The following RPTOR variants were observed in gnomAD, a reference collection of about 807,000 sequenced individuals.
RPTOR encodes regulatory associated protein of MTOR complex 1, also known as regulatory-associated protein of mTOR.
A neutral mutation model predicts 169.9 loss-of-function variants in RPTOR; 21 were observed. That is an observed-to-expected ratio of 0.12 (90% CI 0.09 to 0.18). The LOEUF is 0.18. Among genes scored for constraint, RPTOR ranks in the 10% least tolerant of loss-of-function variants. The pLI, the probability that RPTOR is intolerant of heterozygous loss-of-function variation, is 1.00. For missense variants in RPTOR, 1,133 were observed against 1,855.9 expected (o/e 0.61, Z 7.16); for synonymous variants, 732 against 753.2 (o/e 0.97, Z 0.46).
intron 4 of RPTOR, among the ~76,000 whole-genome samples, chr17:80,719,494 G>A (rs375345426): frequency 9.9e-5 from 15 of 152,116 alleles, no homozygotes; most frequent in Non-Finnish European, 1.3e-4. Context: ...CTCAGGGCTC[G>A]TTCCTGTAAA....
intron 5 of RPTOR, among the ~76,000 whole-genome samples, chr17:80,735,000 G>T (rs2066423136): frequency 6.6e-6 from 1 of 152,162 alleles, no homozygotes; most frequent in African/African-American, 2.4e-5. Flanking sequence ...CTGTGCATTG[G>T]CAGATTTTGG....
In RPTOR at chr17:80,730,758, T is replaced by TTTTGTGCGG; in HGVS notation, c.654+52_654+53insTTTGTGCGG. 1 of 467,258 alleles carries TTTTGTGCGG rather than the reference T, an allele frequency of 2.1e-6. No individual in the cohort carries two copies. Among genetic ancestry groups the TTTTGTGCGG allele is most frequent in the Non-Finnish European group, 3.9e-6 (1 of 254,706 alleles). 28.9% of individuals were successfully genotyped at this position (467,258 alleles called of 1,614,324 possible). On this transcript the variant is annotated intron_variant, in intron 5 of 33. Transcript: ENST00000306801. This position sits in a 1 kb window ranked among gnomAD's most constrained non-coding sequence, Gnocchi z 4.2. ...GTGCTGGGTTTGGTTTTGTTTTCCC[T>TTTTGTGCGG]GGGGGTGGGGTTTGGGTGGGGAGGT...
chr17:80,621,600 C>T (rs1252671520), intron 1 of RPTOR, among the ~76,000 whole-genome samples: 1 of 152,198 alleles, frequency 6.6e-6, no homozygotes, highest in African/African-American at 2.4e-5. Flanking sequence ...GACTTGCAGC[C>T]GCCCCTTACT....
In RPTOR at chr17:80,681,494, G is replaced by A. The variant is rs528817499; in HGVS notation, c.349-26347G>A. On this transcript the variant is annotated intron_variant, in intron 3 of 33. Transcript: ENST00000306801. ...CTGTGGGTGAGTTCTCGAGTGCTGC[G>A]GGGAGTGTAGGGAAGGCCGGTGGTG... Among the ~76,000 whole-genome samples, 52 of 152,274 alleles carry A rather than the reference G, an allele frequency of 3.4e-4. 1 individual carries two copies. The highest frequency in any genetic ancestry group is 4.4e-5 in the Non-Finnish European group (3 of 68,024).
intron 1 of RPTOR, among the ~76,000 whole-genome samples, chr17:80,561,259 ATATG>A (rs1480530486): frequency 0.013 from 62 of 4,836 alleles, 1 homozygote; most frequent in Admixed American, 0.016. Flanking sequence ...ATGTATATAT[ATATG>A]TATATATATA....
chr17:80,861,121 A>G lies in RPTOR; in HGVS notation c.1509+3221A>G, dbSNP rs999504456. On this transcript the variant is annotated intron_variant, in intron 13 of 33. Transcript: ENST00000306801. This position sits in a 1 kb window ranked among gnomAD's most constrained non-coding sequence, Gnocchi z 4.5. ...ATGACTGCTTTGAAAGATTGGCTAA[A>G]GCACTGGATTTAAGGTTAAAACCCT... is the stretch of plus-strand genomic sequence containing the variant. Among the ~76,000 whole-genome samples, 2 of 145,164 alleles carry G rather than the reference A, an allele frequency of 1.4e-5. No individual in the cohort carries two copies. Among genetic ancestry groups the G allele is most frequent in the South Asian group, 4.4e-4 (2 of 4,532 alleles).
At chr17:80,755,844 C>CACCTT (rs1156519754) in intron 6 of RPTOR, among the ~76,000 whole-genome samples, 3 of 152,114 alleles carry the variant, frequency 2.0e-5, no homozygotes, top group Non-Finnish European at 4.4e-5. Flanking sequence ...CCAGTACCCC[C>CACCTT]ACCTTACCTG....
Position 80,756,857 on chromosome 17 carries a change from T to A in RPTOR, c.830+2672T>A, listed in dbSNP as rs1218636969. 2.0e-5 allele frequency among the ~76,000 whole-genome samples: 3 copies of A among 152,084 alleles called. No homozygotes were observed. In the East Asian group the frequency reaches 5.8e-4, roughly 29 times the overall value. ...ATCAATTTAAAGAATACAAAAAAAA[T>A]TTGTTATAAATTACTCAGTCTGTCG... On this transcript the variant is annotated intron_variant, in intron 6 of 33. Coordinates refer to ENST00000306801, the MANE Select transcript of RPTOR (RefSeq NM_020761.3).
chr17:80,966,117 A>ACCCCCCCCC lies in RPTOR; in HGVS notation c.*1788_*1796dup, dbSNP rs55752459. 5.7e-6 allele frequency: 1 copy of ACCCCCCCCC among 175,608 alleles called. No individual in the cohort carries two copies. Among genetic ancestry groups the ACCCCCCCCC allele is most frequent in the Non-Finnish European group, 1.1e-5 (1 of 93,008 alleles). 10.9% of individuals were successfully genotyped at this position (175,608 alleles called of 1,614,324 possible). On this transcript the variant is annotated 3_prime_UTR_variant, in exon 34 of 34. Coordinates refer to ENST00000306801, the MANE Select transcript of RPTOR (RefSeq NM_020761.3). ...GGCAGGTGGCTCCAGAGGGGTCAAG[A>ACCCCCCCCC]CCCCCCCCCGCCCCCGCTCCACCCT...
At chr17:80,893,056 G>A (rs923916778) in intron 19 of RPTOR, among the ~76,000 whole-genome samples, 187 bp downstream of exon 19, 4 of 152,232 alleles carry the variant, frequency 2.6e-5, no homozygotes, top group African/African-American at 9.6e-5. Flanking sequence ...GCGTAGGCCA[G>A]CCCCCAGAAT....
At chr17:80,733,856 T>A (rs1430720624) in intron 5 of RPTOR, among the ~76,000 whole-genome samples, 4 of 152,258 alleles carry the variant, frequency 2.6e-5, no homozygotes, top group South Asian at 4.1e-4. Flanking sequence ...CTTTGTGGTT[T>A]CAAGTAATAT....
At chr17:80,791,912 C>A (rs35292957) in intron 7 of RPTOR, among the ~76,000 whole-genome samples, 10 of 151,908 alleles carry the variant, frequency 6.6e-5, no homozygotes, top group Non-Finnish European at 1.0e-4. Context: ...TCCCCTCCCC[C>A]CCTGTCGCCA....
intron 1 of RPTOR, among the ~76,000 whole-genome samples, chr17:80,548,989 C>T (rs563763908): frequency 1.4e-4 from 21 of 152,306 alleles, no homozygotes; most frequent in Admixed American, 2.0e-4. Context: ...ACAGATTCCT[C>T]AAATTGACAT....
At position 80,608,830 on chromosome 17, in the gene RPTOR, G is replaced by C. The variant is rs543120466; in HGVS notation, c.163-16861G>C. Among the ~76,000 whole-genome samples, 292 of 152,340 alleles carry C rather than the reference G, an allele frequency of 1.9e-3. 1 individual carries two copies. The highest frequency in any genetic ancestry group is 6.8e-3 in the African/African-American group (282 of 41,572). On this transcript the variant is annotated intron_variant, in intron 1 of 33. Coordinates refer to ENST00000306801, the MANE Select transcript of RPTOR (RefSeq NM_020761.3). ...TTATTGAGTGCCCTTGGGCAGATGC[G>C]GGAACAGGTGCTTCTGCGCGTGGTT...
intron 10 of RPTOR, among the ~76,000 whole-genome samples, chr17:80,840,837 C>T (rs530804650): frequency 7.3e-6 from 1 of 136,820 alleles, no homozygotes; most frequent in African/African-American, 2.8e-5. Flanking sequence ...TCACACTCAC[C>T]GCACGGCAGC....
chr17:80,840,336 G>A (rs1021145020), intron 10 of RPTOR, among the ~76,000 whole-genome samples: 9 of 149,738 alleles, frequency 6.0e-5, no homozygotes, highest in East Asian at 2.0e-4. Context: ...TCACCGCACG[G>A]CAGCTCACAC....
Position 80,963,051 on chromosome 17 carries a change from G to T in RPTOR, c.3933G>T (p.Pro1311=), listed in dbSNP as rs745965386. ...VGAISCLAFH[P]HWPHLAVGSN... is the part of the protein sequence containing the mutation. ...CCATCAGCTGCCTGGCCTTCCACCCGCACTGGGTCAGTGTGGCGGTGGGTG... is the reference window on the plus strand; with the variant it reads ...CCATCAGCTGCCTGGCCTTCCACCCTCACTGGGTCAGTGTGGCGGTGGGTG... Residue 1311 remains proline, a synonymous_variant, in exon 33 of 34, where the codon CCG becomes CCT. Coordinates refer to ENST00000306801, the MANE Select transcript of RPTOR (RefSeq NM_020761.3). 4.4e-6 allele frequency: 7 copies of T among 1,582,856 alleles called. No homozygotes were observed. In the South Asian group the frequency reaches 7.9e-5, roughly 18 times the overall value.
intron 14 of RPTOR, among the ~76,000 whole-genome samples, chr17:80,880,846 T>C (rs1308810148): frequency 6.6e-6 from 1 of 152,024 alleles, no homozygotes; most frequent in Non-Finnish European, 1.5e-5. Flanking sequence ...ACGTCTGTAA[T>C]ATGAGAGTTC....
intron 3 of RPTOR, among the ~76,000 whole-genome samples, chr17:80,649,278 G>A (rs2065621229): frequency 1.3e-5 from 2 of 152,148 alleles, no homozygotes; most frequent in African/African-American, 4.8e-5. Context: ...TTCACGTTGC[G>A]ACATTAGTTC....
Sources: gnomAD v4.1 joint callset for allele counts (sites outside exome capture counted in the v4.1 genomes callset) on GRCh38, gnomAD v4.1.1 for gene constraint, Gnocchi (gnomAD v3.1) non-coding constraint, MANE v1.5 for transcripts, NCBI Gene and HGNC (gene_info 2026-07-23, HGNC 2026-07-21) for gene names.